Variants in RAB3GAP1 observed in about 807,000 individuals in gnomAD.
RAB3GAP1 encodes rab3 GTPase-activating protein catalytic subunit.
Under a neutral mutation model 130.7 loss-of-function variants are expected in RAB3GAP1, and 86 were observed. That is an observed-to-expected ratio of 0.66 (90% confidence interval 0.55 to 0.79). RAB3GAP1 has a LOEUF of 0.79. Ranked by LOEUF, RAB3GAP1 falls within the 30% of genes least tolerant of loss-of-function variation. RAB3GAP1 has a pLI of 0.00. For synonymous variants in RAB3GAP1, 367 were observed against 401.7 expected (o/e 0.91, Z 1.03); for missense variants, 1,029 against 1,169.4 (o/e 0.88, Z 1.75).
In RAB3GAP1 at chr2:135,088,463, C is replaced by T. The variant is rs1334059947; in HGVS notation, c.151-2535C>T. On this transcript the variant is annotated intron_variant, in intron 3 of 23. Transcript: ENST00000264158. ...CAGCCCTTTGGGAGGCTGAGGTGGG[C>T]AGATGACTTGAGGTCAGGAGTTCAA... Among the ~76,000 whole-genome samples, 6 of 151,708 alleles carry T rather than the reference C, an allele frequency of 4.0e-5. 1 individual carries two copies. Among genetic ancestry groups the T allele is most frequent in the Admixed American group, 6.6e-5 (1 of 15,226 alleles).
intron 3 of RAB3GAP1, among the ~76,000 whole-genome samples, chr2:135,082,165 A>G (rs749676287): frequency 1.7e-3 from 175 of 102,716 alleles, no homozygotes; most frequent in African/African-American, 9.7e-3. Context: ...ATGAATGAAT[A>G]AATAAATAAA....
rs1692229719 is a variant in RAB3GAP1, at chr2:135,153,555, A to G, written c.2062-94A>G. ...TTACATATTAGATTGTAAAGATTAG[A>G]TAGGCTTTTTTTGAAAATACAATTT... On this transcript the variant is annotated intron_variant, in intron 18 of 23. Transcript: ENST00000264158. 20 of 1,154,830 alleles carry G rather than the reference A, an allele frequency of 1.7e-5. No individual in the cohort carries two copies. The South Asian group carries it at 2.4e-4, about 14-fold the overall frequency. The allele number at this position is 1,154,830 out of a possible 1,614,324, so 71.5% of individuals were successfully genotyped here.
intron 10 of RAB3GAP1, 22 bp downstream of exon 10, chr2:135,126,271 G>A: frequency 1.3e-6 from 2 of 1,571,742 alleles, no homozygotes; most frequent in Non-Finnish European, 1.7e-6. Context: ...AAGAGTAGTA[G>A]TACACTGAGA....
chr2:135,143,564 T>TC (rs1436059758), intron 17 of RAB3GAP1, among the ~76,000 whole-genome samples: 1 of 150,366 alleles, frequency 6.7e-6, no homozygotes, highest in East Asian at 1.9e-4. Context: ...TACTTTTTTT[T>TC]TTTTTTTTTT....
chr2:135,167,577 C>A, intron 23 of RAB3GAP1: 1 of 827,448 alleles, frequency 1.2e-6, no homozygotes, highest in South Asian at 1.7e-5. Context: ...GGATCATGTT[C>A]CATAATGTAG....
intron 5 of RAB3GAP1, among the ~76,000 whole-genome samples, chr2:135,096,767 G>C (rs1690309192): frequency 6.6e-6 from 1 of 152,032 alleles, no homozygotes; most frequent in African/African-American, 2.4e-5. Context: ...TTCTACACTG[G>C]TAAACTAAGA....
rs1215360407 is a variant in RAB3GAP1, at chr2:135,058,144, C to G, written c.150+58C>G. On this transcript the variant is annotated intron_variant, in intron 3 of 23. Coordinates refer to ENST00000264158, the MANE Select transcript of RAB3GAP1 (RefSeq NM_012233.3). ...TATTTACTTTGAAACCTCTATTTTC[C>G]AGCCCTTTGCTGCATTTGGCACATT... The G allele has an allele frequency of 5.7e-6, 8 of 1,403,412 alleles. No individual in the cohort carries two copies. The Admixed American group carries it at 1.2e-4, about 21-fold the overall frequency. The allele number at this position is 1,403,412 out of a possible 1,614,324, so 86.9% of individuals were successfully genotyped here.
At chr2:135,056,468 G>T (rs980889607) in intron 2 of RAB3GAP1, among the ~76,000 whole-genome samples, 2 of 152,226 alleles carry the variant, frequency 1.3e-5, no homozygotes, top group Non-Finnish European at 2.9e-5. Flanking sequence ...CTCCCAAAGT[G>T]CTGGGATTAC....
At chr2:135,099,527 T>C (rs951797691) in intron 5 of RAB3GAP1, among the ~76,000 whole-genome samples, 8 of 152,022 alleles carry the variant, frequency 5.3e-5, no homozygotes, top group Admixed American at 5.3e-4. Context: ...AGTGTCTATG[T>C]TCATGTGGGA....
intron 4 of RAB3GAP1, 110 bp downstream of exon 4, chr2:135,091,240 T>C: frequency 9.5e-7 from 1 of 1,047,714 alleles, no homozygotes; most frequent in Non-Finnish European, 1.4e-6. Context: ...GGAACTGTTT[T>C]ACATAAGCAA....
At chr2:135,150,644 C>T (rs948421142) in intron 18 of RAB3GAP1, 138 bp downstream of exon 18, 4 of 1,084,988 alleles carry the variant, frequency 3.7e-6, no homozygotes, top group Non-Finnish European at 4.1e-6. Flanking sequence ...GTTCAACACT[C>T]TGCCACCATC....
chr2:135,053,114 C>A (rs1353421842), intron 2 of RAB3GAP1, among the ~76,000 whole-genome samples: 1 of 152,214 alleles, frequency 6.6e-6, no homozygotes, highest in East Asian at 1.9e-4. Flanking sequence ...GCTTTAGCCT[C>A]GGGAGGAGCT....
chr2:135,071,477 C>T (rs1689470233), intron 3 of RAB3GAP1, among the ~76,000 whole-genome samples: 1 of 151,084 alleles, frequency 6.6e-6, no homozygotes, highest in Non-Finnish European at 1.5e-5. Flanking sequence ...GTGGGTACGA[C>T]TGGCTGGGGC....
At chr2:135,078,948 A>T (rs1689709652) in intron 3 of RAB3GAP1, among the ~76,000 whole-genome samples, 1 of 151,974 alleles carries the variant, frequency 6.6e-6, no homozygotes. Flanking sequence ...GCTCACTGCA[A>T]CCTCTGCTTC....
intron 5 of RAB3GAP1, among the ~76,000 whole-genome samples, chr2:135,107,975 CAAAAAAAAAAA>C (rs59782185): frequency 3.8e-5 from 2 of 51,952 alleles, no homozygotes; most frequent in East Asian, 1.0e-3. Context: ...AACTCCATCT[CAAAAAAAAAAA>C]AAAAAAAAAA....
Position 135,164,654 on chromosome 2 carries a change from T to A in RAB3GAP1, c.2667T>A (p.His889Gln). ...EVLVTGAGRG[H>Q]AGRIIHKLFV... ...TAGTCACCGGTGCAGGAAGAGGACA[T>A]GCTGGCAGGATCATTCACAAGCTGT... is the stretch of plus-strand genomic sequence containing the variant. The change falls in exon 23 of 24, where the codon CAT becomes CAA. Residue 889 changes from histidine to glutamine, a missense_variant. By Grantham distance (24) the His-to-Gln change is conservative. Transcript: ENST00000264158. 1 of 1,613,400 alleles carries A rather than the reference T, an allele frequency of 6.2e-7. No homozygotes were observed. Among genetic ancestry groups the A allele is most frequent in the Non-Finnish European group, 8.5e-7 (1 of 1,179,546 alleles).
At chr2:135,138,097 G>A (rs1691727946) in intron 17 of RAB3GAP1, among the ~76,000 whole-genome samples, 2 of 151,980 alleles carry the variant, frequency 1.3e-5, no homozygotes, top group Admixed American at 1.3e-4. Context: ...AAAGTGCTAG[G>A]ATTACAGACA....
At chr2:135,074,972 G>C (rs1240028911) in intron 3 of RAB3GAP1, among the ~76,000 whole-genome samples, 2 of 152,146 alleles carry the variant, frequency 1.3e-5, no homozygotes, top group Non-Finnish European at 2.9e-5. Flanking sequence ...TCTTGGAACA[G>C]TTGTTCTCCC....
At chr2:135,131,045 C>G (rs1691521847) in intron 13 of RAB3GAP1, among the ~76,000 whole-genome samples, 1 of 152,102 alleles carries the variant, frequency 6.6e-6, no homozygotes, top group Admixed American at 6.5e-5. Flanking sequence ...GCTTTAGAAG[C>G]AGAGGAATAG....
Sources: gnomAD v4.1 joint callset for allele counts (sites outside exome capture counted in the v4.1 genomes callset) on GRCh38, gnomAD v4.1.1 for gene constraint, MANE v1.5 for transcripts, NCBI Gene and HGNC (gene_info 2026-07-23, HGNC 2026-07-21) for gene names.